The following GCNT1 variants were observed in gnomAD, a reference collection of about 807,000 sequenced individuals.
The protein encoded by GCNT1 is beta-1,3-galactosyl-O-glycosyl-glycoprotein beta-1,6-N-acetylglucosaminyltransferase.
GCNT1 carries 16 observed loss-of-function variants against 26.2 expected under a neutral mutation model. The observed-to-expected ratio is 0.61, with a 90% CI of 0.41 to 0.93. The LOEUF is 0.93. GCNT1 is among the 40% of genes least tolerant of loss of function. The probability of loss-of-function intolerance (pLI) is 0.00; values close to 1 mark genes in which losing one functional copy is unlikely to be tolerated. For synonymous variants in GCNT1, 183 were observed against 190.8 expected, an observed-to-expected ratio of 0.96 and a Z score of 0.34; for missense variants, 477 against 526.7, an observed-to-expected ratio of 0.91 and a Z score of 0.92.
upstream of GCNT1, among the ~76,000 whole-genome samples, chr9:76,457,697 T>C (rs892857375): frequency 6.6e-6 from 1 of 152,266 alleles, no homozygotes; most frequent in Non-Finnish European, 1.5e-5. Context: ...TATTTTTAAG[T>C]AGACAAATTT....
intron 1 of GCNT1, among the ~76,000 whole-genome samples, chr9:76,446,992 A>C (rs1823587096): frequency 6.6e-6 from 1 of 151,588 alleles, no homozygotes; most frequent in South Asian, 2.1e-4. Flanking sequence ...TCATCTCTAC[A>C]AAAAATACAA....
intron 2 of GCNT1, among the ~76,000 whole-genome samples, chr9:76,478,683 A>G (rs1824325834): frequency 6.6e-6 from 1 of 152,176 alleles, no homozygotes; most frequent in Admixed American, 6.5e-5. Flanking sequence ...TTTAAGACCA[A>G]ATACTGATCC....
At chr9:76,455,152 C>T (rs183794271), upstream of GCNT1, among the ~76,000 whole-genome samples, 4 of 151,790 alleles carry the variant, frequency 2.6e-5, no homozygotes, top group Non-Finnish European at 4.4e-5. Flanking sequence ...AGCCTTTAAA[C>T]CTCTTTTCTT....
upstream of GCNT1, among the ~76,000 whole-genome samples, chr9:76,416,838 C>T (rs1327161108): frequency 1.3e-5 from 2 of 152,178 alleles, no homozygotes; most frequent in African/African-American, 2.4e-5. Flanking sequence ...GCGGGTGGAT[C>T]ACTTGAAGTC....
At chr9:76,460,849 G>A (rs1046977896) in intron 2 of GCNT1, among the ~76,000 whole-genome samples, 1 of 152,004 alleles carries the variant, frequency 6.6e-6, no homozygotes, top group Non-Finnish European at 1.5e-5. Flanking sequence ...CTTCAACTTG[G>A]CCCTGTAAAG....
At chr9:76,401,912 A>C in the GCNT1 span, among the ~76,000 whole-genome samples, 1 of 152,208 alleles carries the variant, frequency 6.6e-6, no homozygotes, top group Non-Finnish European at 1.5e-5. Flanking sequence ...CAAACAAAAA[A>C]CACACTACAT....
At chr9:76,491,221 C>CT (rs1824729338) in intron 2 of GCNT1, among the ~76,000 whole-genome samples, 1 of 149,748 alleles carries the variant, frequency 6.7e-6, no homozygotes, top group African/African-American at 2.4e-5. Context: ...GTCTCTTCCT[C>CT]TCTCTCTCTC....
chr9:76,450,160 C>A (rs1202606266), intron 1 of GCNT1, among the ~76,000 whole-genome samples: 1 of 152,140 alleles, frequency 6.6e-6, no homozygotes, highest in Non-Finnish European at 1.5e-5. Context: ...TCCCGCCATC[C>A]CCACCCTATG....
chr9:76,459,980 A>G (rs1020552122), intron 1 of GCNT1, 80 bp from the exon 2 acceptor site: 2 of 152,058 alleles, frequency 1.3e-5, no homozygotes, highest in Non-Finnish European at 2.9e-5. Context: ...TAAGTATCTC[A>G]GGCAGATTCC....
At chr9:76,432,423 G>A (rs980375846) in intron 1 of GCNT1, among the ~76,000 whole-genome samples, 1 of 152,208 alleles carries the variant, frequency 6.6e-6, no homozygotes, top group Non-Finnish European at 1.5e-5. Context: ...GCTCACTGCA[G>A]TCTCAACCTT....
intron 2 of GCNT1, among the ~76,000 whole-genome samples, chr9:76,474,643 G>C (rs889496406): frequency 1.3e-5 from 2 of 152,206 alleles, no homozygotes; most frequent in East Asian, 1.9e-4. Context: ...AACATGGAAC[G>C]TGAACGCAGA....
chr9:76,474,607 T>C (rs1363515251), intron 2 of GCNT1, among the ~76,000 whole-genome samples: 5 of 152,166 alleles, frequency 3.3e-5, no homozygotes, highest in Non-Finnish European at 7.3e-5. Flanking sequence ...TATAAGTGTA[T>C]TGTGCAATGT....
rs574286754 is a variant in GCNT1 at position 76,471,828 on chromosome 9, G to A, written c.-290+11651G>A. Among the ~76,000 whole-genome samples, 3 of 152,184 alleles carry A rather than the reference G, an allele frequency of 2.0e-5. No homozygotes were observed. The South Asian group carries it at 6.2e-4, about 32-fold the overall frequency. The stretch of plus-strand genomic sequence containing the variant: ...TGGTCATGCTCAGTAATATTATTTT[G>A]GGTCAAAATAAGATGTAAATTTTTT... On this transcript the variant is annotated intron_variant, in intron 2 of 3. Coordinates refer to ENST00000376730, the MANE Select transcript of GCNT1 (RefSeq NM_001490.5).
intron 2 of GCNT1, among the ~76,000 whole-genome samples, chr9:76,469,081 C>G (rs1824071427): frequency 6.6e-6 from 1 of 151,434 alleles, no homozygotes; most frequent in East Asian, 1.9e-4. Flanking sequence ...CAAATTTCGC[C>G]AAAAAACTAT....
At chr9:76,424,591 G>GA (rs558627334) in intron 1 of GCNT1, among the ~76,000 whole-genome samples, 1 of 152,142 alleles carries the variant, frequency 6.6e-6, no homozygotes, top group East Asian at 1.9e-4. Flanking sequence ...CTCAAAAAAA[G>GA]AAAAAAACTA....
At chr9:76,396,243 A>G in the GCNT1 span, among the ~76,000 whole-genome samples, 1 of 152,230 alleles carries the variant, frequency 6.6e-6, no homozygotes, top group Non-Finnish European at 1.5e-5. Flanking sequence ...AGTATTTTTC[A>G]CACTGTCTCA....
chr9:76,413,653 G>GTT, the GCNT1 span, among the ~76,000 whole-genome samples: 32 of 118,666 alleles, frequency 2.7e-4, no homozygotes, highest in East Asian at 5.5e-4. Context: ...GTTTTGTTTT[G>GTT]TTTTTTTTTT....
chr9:76,439,558 GA>G (rs5898477), upstream of GCNT1, among the ~76,000 whole-genome samples: 13 of 151,280 alleles, frequency 8.6e-5, no homozygotes, highest in Non-Finnish European at 1.5e-4. Context: ...AAGAAAAAAT[GA>G]AAAAAAAATT....
chr9:76,453,818 T>G (rs1823709646), intron 1 of GCNT1, among the ~76,000 whole-genome samples: 1 of 152,158 alleles, frequency 6.6e-6, no homozygotes, highest in African/African-American at 2.4e-5. Context: ...ACATGGCACC[T>G]TTACCTGGGT....
Sources: gnomAD v4.1 joint callset for allele counts (sites outside exome capture counted in the v4.1 genomes callset) on GRCh38, gnomAD v4.1.1 for gene constraint, MANE v1.5 for transcripts, NCBI Gene and HGNC (gene_info 2026-07-23, HGNC 2026-07-21) for gene names.